NLRP9: variants seen among roughly 807,000 people sequenced by gnomAD.
NLRP9 encodes the protein NLR family pyrin domain containing 9, also known as NACHT, LRR and PYD domains-containing protein 9.
NLRP9 carries 88 observed loss-of-function variants against 83.1 expected under a neutral mutation model. The observed-to-expected ratio is 1.06, with a 90% CI of 0.89 to 1.26. The LOEUF is 1.26. NLRP9 is among the 50% of genes most tolerant of loss of function. The pLI is 0.00. For synonymous variants in NLRP9, 521 were observed against 447.6 expected (o/e 1.16, Z -2.07); for missense variants, 1,308 against 1,179.3 (o/e 1.11, Z -1.60).
intron 3 of NLRP9, among the ~76,000 whole-genome samples, chr19:55,726,756 G>C (rs540822164): frequency 6.6e-6 from 1 of 152,112 alleles, no homozygotes; most frequent in Non-Finnish European, 1.5e-5. Flanking sequence ...CTAACCTTGG[G>C]GAGGCATTAG....
intron 5 of NLRP9, among the ~76,000 whole-genome samples, chr19:55,716,381 C>T (rs1988012369): frequency 6.6e-6 from 1 of 151,534 alleles, no homozygotes; most frequent in African/African-American, 2.4e-5. Context: ...GCCTCAGCCT[C>T]CCGAGTAGCT....
chr19:55,710,359 A>G lies in NLRP9; in HGVS notation c.2844-1315T>C, dbSNP rs185322195. Among the ~76,000 whole-genome samples the G allele has an allele frequency of 5.3e-4, 81 of 152,154 alleles. No individual in the cohort carries two copies. The East Asian group carries it at 0.013, about 24-fold the overall frequency. On this transcript the variant is annotated intron_variant, in intron 8 of 8. Coordinates refer to ENST00000332836, the MANE Select transcript of NLRP9 (RefSeq NM_176820.4). ...ACTCCCTTCTGGCCCTGCAGGGTACAAGGCCTGGCCCCATCTCAGGGCCTT... is the reference window on the plus strand; with the variant it reads ...ACTCCCTTCTGGCCCTGCAGGGTACGAGGCCTGGCCCCATCTCAGGGCCTT...
intron 7 of NLRP9, 116 bp from the exon 8 acceptor site, chr19:55,712,086 G>C (rs1056149541): frequency 2.9e-6 from 3 of 1,029,464 alleles, no homozygotes; most frequent in Non-Finnish European, 2.9e-6. Context: ...GTCTAGACCC[G>C]GGCTTCTCAG....
rs1312198875 is a variant in NLRP9, at chr19:55,716,641, C to CA, written c.2330+86dup. On this transcript the variant is annotated intron_variant, in intron 5 of 8. Coordinates refer to ENST00000332836, the MANE Select transcript of NLRP9 (RefSeq NM_176820.4). Reference sequence around the variant, plus strand: ...GGATTCCGCATTCTGCTGCACCCCTCAGTGAGCACCGCGTTGCTTTGATAA... The same window carrying CA: ...GGATTCCGCATTCTGCTGCACCCCTCAAGTGAGCACCGCGTTGCTTTGATAA... 20 of 1,092,126 alleles carry CA rather than the reference C, an allele frequency of 1.8e-5. No individual in the cohort carries two copies. In the African/African-American group the frequency reaches 2.3e-4, roughly 13 times the overall value. 67.7% of individuals were successfully genotyped at this position (1,092,126 alleles called of 1,614,324 possible).
chr19:55,713,578 T>TCCCTCCTCCCCTCCTC (rs200505932), intron 6 of NLRP9, among the ~76,000 whole-genome samples: 2 of 101,956 alleles, frequency 2.0e-5, no homozygotes, highest in East Asian at 2.8e-4. Flanking sequence ...GCACCTTCTC[T>TCCCTCCTCCCCTCCTC]CCCTCCTCCC....
chr19:55,736,706 T>C (rs1030015509), intron 1 of NLRP9, among the ~76,000 whole-genome samples: 11 of 151,672 alleles, frequency 7.3e-5, no homozygotes, highest in Admixed American at 6.6e-4. Flanking sequence ...TGGTGGTGCA[T>C]GCCTGTAATC....
At chr19:55,734,771 AT>A (rs1988740819) in intron 1 of NLRP9, among the ~76,000 whole-genome samples, 1 of 151,710 alleles carries the variant, frequency 6.6e-6, no homozygotes, top group African/African-American at 2.4e-5. Flanking sequence ...AGTAGCTGGG[AT>A]TACAGGCACC....
intron 4 of NLRP9, among the ~76,000 whole-genome samples, chr19:55,718,490 T>C (rs889372620): frequency 3.3e-5 from 5 of 152,212 alleles, no homozygotes; most frequent in Admixed American, 2.0e-4. Flanking sequence ...GGAGGCGAGA[T>C]ATGCTGGCAG....
intron 3 of NLRP9, 23 bp from the exon 4 acceptor site, chr19:55,724,167 T>C (rs1333003060): frequency 1.3e-6 from 2 of 1,535,104 alleles, no homozygotes; most frequent in East Asian, 2.3e-5. Context: ...AAAAAAAAAA[T>C]AGCATCATGC....
intron 4 of NLRP9, 74 bp from the exon 5 acceptor site, chr19:55,716,972 C>G (rs570665174): frequency 7.6e-6 from 9 of 1,188,598 alleles, no homozygotes; most frequent in Non-Finnish European, 9.9e-6. Flanking sequence ...ACAGACCAAA[C>G]GACACCTCTG....
chr19:55,729,779 A>G, intron 3 of NLRP9, 52 bp downstream of exon 3: 1 of 1,496,010 alleles, frequency 6.7e-7, no homozygotes, highest in South Asian at 1.2e-5. Context: ...GCCACAGTAG[A>G]GAGAAGGAAA....
intron 4 of NLRP9, among the ~76,000 whole-genome samples, chr19:55,723,140 T>TATA (rs370189702): frequency 3.7e-4 from 56 of 151,636 alleles, no homozygotes; most frequent in Admixed American, 1.4e-3. Flanking sequence ...GAACTTAAAG[T>TATA]ATAATAATAA....
In NLRP9 at chr19:55,738,149, A is replaced by G. The variant is rs1296245036; in HGVS notation, c.226T>C (p.Phe76Leu). 5.6e-6 allele frequency: 9 copies of G among 1,614,048 alleles called. No homozygotes were observed. The highest frequency in any genetic ancestry group is 4.0e-5 in the African/African-American group (3 of 74,920). ...KQAWEVTLNL[F>L]LQINRKDLWT... Reference sequence around the variant, plus strand: ...AGATCTTTCCTATTGATCTGTAGAAACAGGTTCAGTGTTACCTCCCATGCC... The same window carrying G: ...AGATCTTTCCTATTGATCTGTAGAAGCAGGTTCAGTGTTACCTCCCATGCC... Residue 76 changes from phenylalanine to leucine, a missense_variant, in exon 1 of 9, where the codon TTT (phenylalanine) becomes CTT (leucine). Transcript: ENST00000332836.
intron 5 of NLRP9, 89 bp downstream of exon 5, chr19:55,716,639 C>G: frequency 9.3e-7 from 1 of 1,080,594 alleles, no homozygotes; most frequent in Admixed American, 1.8e-5. Context: ...TGCTGCACCC[C>G]TCAGTGAGCA....
chr19:55,712,490 T>C lies in NLRP9; in HGVS notation c.2602A>G (p.Ile868Val), dbSNP rs761930244. ...LKTLKLGHNE[I>V]GDTGVRQLCA... is the part of the protein sequence containing the mutation. Reference sequence around the variant, plus strand: ...AACTGTCTGACACCAGTGTCTCCTATTTCATTATGCCCAAGTTTCAGGGTC... The same window carrying C: ...AACTGTCTGACACCAGTGTCTCCTACTTCATTATGCCCAAGTTTCAGGGTC... Residue 868 changes from isoleucine (I) to valine (V), a missense_variant, in exon 7 of 9, where the codon ATA becomes GTA. Coordinates refer to ENST00000332836, the MANE Select transcript of NLRP9 (RefSeq NM_176820.4). 5.0e-6 allele frequency: 8 copies of C among 1,612,654 alleles called. No individual in the cohort carries two copies. In the African/African-American group the frequency reaches 9.3e-5, roughly 19 times the overall value.
In NLRP9 at chr19:55,728,929, A is replaced by G. The variant is rs573735423; in HGVS notation, c.1994+902T>C. Reference sequence around the variant, plus strand: ...CAACTGTGTTTCTATCCTCTCATACATTATTTGTATAAAAGTAATAATAAA... The same window carrying G: ...CAACTGTGTTTCTATCCTCTCATACGTTATTTGTATAAAAGTAATAATAAA... On this transcript the variant is annotated intron_variant, in intron 3 of 8. Coordinates refer to ENST00000332836, the MANE Select transcript of NLRP9 (RefSeq NM_176820.4). Among the ~76,000 whole-genome samples, 9 of 152,224 alleles carry G rather than the reference A, an allele frequency of 5.9e-5. No homozygotes were observed. In the South Asian group the frequency reaches 1.9e-3, roughly 32 times the overall value.
chr19:55,722,433 G>A (rs1988257464), intron 4 of NLRP9, among the ~76,000 whole-genome samples: 1 of 152,192 alleles, frequency 6.6e-6, no homozygotes, highest in Non-Finnish European at 1.5e-5. Flanking sequence ...AGTTCTATAA[G>A]CTCAAACAAC....
Position 55,732,305 on chromosome 19 carries a change from G to T in NLRP9, c.1526C>A (p.Thr509Asn). The T allele has an allele frequency of 6.2e-7, 1 of 1,614,184 alleles. No homozygotes were observed. Among genetic ancestry groups the T allele is most frequent in the Non-Finnish European group, 8.5e-7 (1 of 1,180,028 alleles). The change falls in exon 2 of 9, where the codon ACC (threonine) becomes AAC (asparagine). Residue 509 changes from threonine to asparagine, a missense_variant. Thr to Asn is a moderately conservative substitution (Grantham distance 65, BLOSUM62 0). Coordinates refer to ENST00000332836, the MANE Select transcript of NLRP9 (RefSeq NM_176820.4). ...STEEIVSMLE[T>N]SFGFPLSKDL... is the part of the protein sequence containing the mutation. ...TTTTGACAGTGGAAAACCAAAGGAG[G>T]TCTCCAGCATGCTGACGATTTCTTC... is the stretch of plus-strand genomic sequence containing the variant.
Position 55,724,241 on chromosome 19 carries a change from C to G in NLRP9, c.1995-97G>C, listed in dbSNP as rs1988332518. On this transcript the variant is annotated intron_variant, in intron 3 of 8. Transcript: ENST00000332836. Reference sequence around the variant, plus strand: ...ATTCTTCCTGCCCTGAATGCTGGGCCTCACCACACTGTTTCTGGAATTCTG... The same window carrying G: ...ATTCTTCCTGCCCTGAATGCTGGGCGTCACCACACTGTTTCTGGAATTCTG... 6 of 752,094 alleles carry G rather than the reference C, an allele frequency of 8.0e-6. No homozygotes were observed. In the Admixed American group the frequency reaches 1.8e-4, roughly 23 times the overall value. 46.6% of individuals were successfully genotyped at this position (752,094 alleles called of 1,614,324 possible).
Sources: gnomAD v4.1 joint callset for allele counts (sites outside exome capture counted in the v4.1 genomes callset) on GRCh38, gnomAD v4.1.1 for gene constraint, MANE v1.5 for transcripts, NCBI Gene and HGNC (gene_info 2026-07-23, HGNC 2026-07-21) for gene names.